Variants in RSU1 observed in about 807,000 individuals in gnomAD.
RSU1 encodes the protein Ras suppressor protein 1.
RSU1 carries 26 observed loss-of-function variants against 31.1 expected under a neutral mutation model. That is an observed-to-expected ratio of 0.84 (90% confidence interval 0.61 to 1.16). RSU1 has a LOEUF of 1.16. Among genes scored for constraint, RSU1 ranks in the 50% most tolerant of loss-of-function variants. The probability of loss-of-function intolerance (pLI) is 0.00; values close to 1 mark genes in which losing one functional copy is unlikely to be tolerated. For synonymous variants in RSU1, 164 were observed against 136.3 expected (o/e 1.20, Z -1.41); for missense variants, 320 against 339.1 (o/e 0.94, Z 0.44).
In RSU1 at chr10:16,743,258, T is replaced by C. The variant is rs548255951; in HGVS notation, c.598+9281A>G. Among the ~76,000 whole-genome samples, 3 of 152,370 alleles carry C rather than the reference T, an allele frequency of 2.0e-5. No homozygotes were observed. The South Asian group carries it at 6.2e-4, about 32-fold the overall frequency. ...TTTTATTGGCTCAGTTTTGACACAT[T>C]GATGGGTATACCATTGGGAGGAATG... On this transcript the variant is annotated intron_variant, in intron 7 of 8. Transcript: ENST00000345264.
chr10:16,630,251 G>A (rs780451474), intron 8 of RSU1, among the ~76,000 whole-genome samples: 6 of 151,942 alleles, frequency 3.9e-5, no homozygotes, highest in Non-Finnish European at 5.9e-5. Flanking sequence ...ATGCATGCTT[G>A]GAATATTGCC....
At chr10:16,699,285 AC>A (rs1835740073) in intron 7 of RSU1, among the ~76,000 whole-genome samples, 1 of 152,078 alleles carries the variant, frequency 6.6e-6, no homozygotes, top group South Asian at 2.1e-4. Flanking sequence ...TAGCGCTGCA[AC>A]CCTCCCAGCA....
intron 8 of RSU1, among the ~76,000 whole-genome samples, chr10:16,651,620 G>C (rs376958177): frequency 2.6e-4 from 39 of 152,242 alleles, no homozygotes; most frequent in African/African-American, 9.4e-4. Flanking sequence ...TACAAGGCAA[G>C]GTAGAACAAA....
intron 7 of RSU1, among the ~76,000 whole-genome samples, chr10:16,724,283 T>A (rs1298756907): frequency 6.6e-6 from 1 of 152,210 alleles, no homozygotes; most frequent in Non-Finnish European, 1.5e-5. Context: ...AACATTTCTG[T>A]ATATTCTCCT....
chr10:16,594,729 T>C (rs1588664752), intron 8 of RSU1, among the ~76,000 whole-genome samples: 6 of 147,052 alleles, frequency 4.1e-5, no homozygotes, highest in Admixed American at 3.4e-4. Flanking sequence ...ATATAGATAA[T>C]ATATCATATA....
At chr10:16,748,699 G>A in intron 7 of RSU1, among the ~76,000 whole-genome samples, 1 of 151,900 alleles carries the variant, frequency 6.6e-6, no homozygotes, top group East Asian at 1.9e-4. Context: ...AGCCACACTG[G>A]CCTTGCTCTT....
At chr10:16,765,987 A>G (rs1156439933) in intron 3 of RSU1, among the ~76,000 whole-genome samples, 3 of 152,244 alleles carry the variant, frequency 2.0e-5, no homozygotes, top group Non-Finnish European at 2.9e-5. Context: ...TCCCAGGGGA[A>G]CAAAAGTAAA....
chr10:16,683,524 G>A (rs887467976), intron 8 of RSU1, among the ~76,000 whole-genome samples: 1 of 152,140 alleles, frequency 6.6e-6, no homozygotes, highest in African/African-American at 2.4e-5. Flanking sequence ...TTTGATTGAT[G>A]TTGTTTATAT....
intron 8 of RSU1, among the ~76,000 whole-genome samples, chr10:16,641,099 A>G (rs1834434704): frequency 6.6e-6 from 1 of 152,214 alleles, no homozygotes; most frequent in Non-Finnish European, 1.5e-5. Context: ...GCAGTCCACC[A>G]TGGCACACGT....
Position 16,620,844 on chromosome 10 carries a change from C to CA in RSU1, c.732-27349dup, listed in dbSNP as rs11354712. ...TGGGCAACAGAGCGAGACTCCATCT[C>CA]AAAAAAAAAAAAAAGTCTCAAAAAT... On this transcript the variant is annotated intron_variant, in intron 8 of 8. Coordinates refer to ENST00000345264, the MANE Select transcript of RSU1 (RefSeq NM_012425.4). Among the ~76,000 whole-genome samples, 181 of 130,846 alleles carry CA rather than the reference C, an allele frequency of 1.4e-3. No individual in the cohort carries two copies. In the East Asian group the frequency reaches 0.019, roughly 14 times the overall value. 85.8% of individuals were successfully genotyped at this position (130,846 alleles called of 152,430 possible).
At chr10:16,793,451 A>G (rs17139211) in intron 2 of RSU1, among the ~76,000 whole-genome samples, 27,960 of 152,086 alleles carry the variant, frequency 0.18, 2,644 homozygotes, top group African/African-American at 0.22. Context: ...CACTAATTGG[A>G]GTCTATGAGT....
chr10:16,675,481 T>A (rs375665374), intron 8 of RSU1, among the ~76,000 whole-genome samples: 2 of 152,180 alleles, frequency 1.3e-5, no homozygotes, highest in Non-Finnish European at 2.9e-5. Flanking sequence ...AGGCAGGTAT[T>A]GCTCTGTGGA....
intron 4 of RSU1, among the ~76,000 whole-genome samples, chr10:16,763,060 C>T (rs1380040301): frequency 6.6e-6 from 1 of 151,776 alleles, no homozygotes; most frequent in African/African-American, 2.4e-5. Flanking sequence ...TGCCACTCCA[C>T]GTCAATCACT....
Position 16,773,359 on chromosome 10 carries a change from C to T in RSU1, c.160+8675G>A, listed in dbSNP as rs149295053. 2.7e-3 allele frequency among the ~76,000 whole-genome samples: 409 copies of T among 152,220 alleles called. 2 individuals carry two copies. The highest frequency in any genetic ancestry group is 9.4e-3 in the African/African-American group (390 of 41,554). On this transcript the variant is annotated intron_variant, in intron 3 of 8. Transcript: ENST00000345264. ...GAAGAGGCCCAGGGCTAGGAAAATCCACCAAATCCACATGGGAGCTTTGAT... is the reference window on the plus strand; with the variant it reads ...GAAGAGGCCCAGGGCTAGGAAAATCTACCAAATCCACATGGGAGCTTTGAT...
chr10:16,809,574 C>T (rs1332590342), intron 2 of RSU1, among the ~76,000 whole-genome samples: 4 of 152,190 alleles, frequency 2.6e-5, no homozygotes, highest in African/African-American at 4.8e-5. Flanking sequence ...CACATTTTTA[C>T]ATCATCCTTT....
intron 7 of RSU1, among the ~76,000 whole-genome samples, chr10:16,707,865 T>G (rs1265217096): frequency 6.6e-6 from 1 of 152,148 alleles, no homozygotes; most frequent in Non-Finnish European, 1.5e-5. Flanking sequence ...TACATTTACA[T>G]TTTAATCTGT....
chr10:16,807,349 T>C (rs1342456076), intron 2 of RSU1, among the ~76,000 whole-genome samples: 3 of 152,230 alleles, frequency 2.0e-5, no homozygotes, highest in African/African-American at 7.2e-5. Flanking sequence ...GAGGTATGGA[T>C]ACTATAACTA....
At chr10:16,764,546 A>C (rs3765595) in intron 3 of RSU1, 36 bp from the exon 4 acceptor site, 274,217 of 1,594,874 alleles carry the variant, frequency 0.17, 25,700 homozygotes, top group African/African-American at 0.3. Flanking sequence ...GAATCTGGGA[A>C]TGGAACTCCT....
chr10:16,663,102 C>T (rs764136704), intron 8 of RSU1, among the ~76,000 whole-genome samples: 26 of 152,240 alleles, frequency 1.7e-4, no homozygotes, highest in Admixed American at 3.3e-4. Flanking sequence ...GGGTGCTTTC[C>T]CTTCACGTTG....
Sources: allele counts gnomAD v4.1 joint callset (sites outside exome capture counted in the v4.1 genomes callset), GRCh38; gene constraint gnomAD v4.1.1; transcripts MANE v1.5; gene names NCBI Gene and HGNC (gene_info 2026-07-23, HGNC 2026-07-21).